FLI1: variants seen among roughly 807,000 people sequenced by gnomAD.
The protein encoded by FLI1 is Friend leukemia integration 1 transcription factor.
FLI1 carries 13 observed loss-of-function variants against 53.1 expected under a neutral mutation model. The ratio of observed to expected loss-of-function variants is 0.24; its 90% CI spans 0.16 to 0.39. FLI1 has a LOEUF of 0.39. Among genes scored for constraint, FLI1 ranks in the 10% least tolerant of loss-of-function variants. The pLI is 1.00. For synonymous variants in FLI1, 244 were observed against 236.7 expected, an observed-to-expected ratio of 1.03 and a Z score of -0.28; for missense variants, 424 against 600.5, an observed-to-expected ratio of 0.71 and a Z score of 3.07.
chr11:128,755,269 A>G (rs1288824724), intron 1 of FLI1, among the ~76,000 whole-genome samples: 2 of 151,976 alleles, frequency 1.3e-5, no homozygotes, highest in Non-Finnish European at 2.9e-5. Context: ...TTCTCCCCCA[A>G]CCTAGAAGAG....
upstream of FLI1, chr11:128,686,236 G>C (rs576698737): frequency 8.3e-5 from 35 of 422,306 alleles, no homozygotes; most frequent in African/African-American, 7.1e-4. Context: ...CCTCTGTCCT[G>C]GTCGCGTTCT....
chr11:128,759,398 G>A (rs945321617), intron 2 of FLI1, among the ~76,000 whole-genome samples: 6 of 152,230 alleles, frequency 3.9e-5, no homozygotes, highest in African/African-American at 7.2e-5. Context: ...TAAGACTAGC[G>A]AGCTGACAGT....
rs770572869 is a variant in FLI1, at chr11:128,748,359, G to A, written c.19-9756G>A. On this transcript the variant is annotated intron_variant, in intron 1 of 8. Coordinates refer to ENST00000527786, the MANE Select transcript of FLI1 (RefSeq NM_002017.5). Reference sequence around the variant, plus strand: ...AACAAGACTCCTTGAAAAGTCAGCCGGGGTCCAGGCACGGTGGCTCACACC... The same window carrying A: ...AACAAGACTCCTTGAAAAGTCAGCCAGGGTCCAGGCACGGTGGCTCACACC... The A allele has an allele frequency of 1.9e-5, 13 of 668,752 alleles. No individual in the cohort carries two copies. In the East Asian group the frequency reaches 5.5e-4, roughly 28 times the overall value. The allele number at this position is 668,752 out of a possible 1,614,324, so 41.4% of individuals were successfully genotyped here.
In FLI1 at chr11:128,739,949, C is replaced by T. The variant is rs552090757; in HGVS notation, c.19-18166C>T. 1.6e-4 allele frequency among the ~76,000 whole-genome samples: 25 copies of T among 152,254 alleles called. No homozygotes were observed. In the South Asian group the frequency reaches 5.2e-3, roughly 32 times the overall value. The stretch of plus-strand genomic sequence containing the variant: ...GTGGGAGCAAAGGGCCACGTCTGAG[C>T]CGCATCAGGCCTGGCCAGAGCCACT... On this transcript the variant is annotated intron_variant, in intron 1 of 8. Transcript: ENST00000527786.
intron 2 of FLI1, among the ~76,000 whole-genome samples, chr11:128,765,341 C>A (rs993514144): frequency 6.6e-6 from 1 of 152,206 alleles, no homozygotes; most frequent in Non-Finnish European, 1.5e-5. Context: ...TGGCCATAAC[C>A]ATAAAGGCTC....
chr11:128,734,918 A>G (rs991324121), intron 1 of FLI1, among the ~76,000 whole-genome samples: 1 of 152,150 alleles, frequency 6.6e-6, no homozygotes, highest in African/African-American at 2.4e-5. Flanking sequence ...AAATAAATGT[A>G]CTAATTGCTG....
chr11:128,721,105 G>A (rs755071180), intron 1 of FLI1, among the ~76,000 whole-genome samples: 4 of 152,316 alleles, frequency 2.6e-5, no homozygotes, highest in Admixed American at 6.5e-5. Flanking sequence ...TGGCAAGTTC[G>A]TGAGAGAGAA....
intron 1 of FLI1, among the ~76,000 whole-genome samples, chr11:128,746,830 C>G (rs1342218591): frequency 2.6e-5 from 4 of 152,198 alleles, no homozygotes; most frequent in African/African-American, 9.7e-5. Flanking sequence ...TTAAAAATGT[C>G]CAGGAGCTGG....
Position 128,805,404 on chromosome 11 carries a change from A to G in FLI1, c.694A>G (p.Asn232Asp), listed in dbSNP as rs1381241961. 3 of 1,586,674 alleles carry G rather than the reference A, an allele frequency of 1.9e-6. No individual in the cohort carries two copies. In the Admixed American group the frequency reaches 5.3e-5, roughly 28 times the overall value. Reference sequence around the variant, plus strand: ...CTCAGTCAGAAGAGGAGCTTGGGGCAATAACATGAATTCTGGCCTCAACAA... The same window carrying G: ...CTCAGTCAGAAGAGGAGCTTGGGGCGATAACATGAATTCTGGCCTCAACAA... ...YDSVRRGAWGNNMNSGLNKSP... is the reference protein window; with the variant it reads ...YDSVRRGAWGDNMNSGLNKSP... Residue 232 changes from asparagine (N) to aspartate (D), a missense_variant, in exon 6 of 9, where the codon AAT becomes GAT. Transcript: ENST00000527786.
At chr11:128,790,099 C>T (rs546932140) in intron 5 of FLI1, among the ~76,000 whole-genome samples, 19 of 113,458 alleles carry the variant, frequency 1.7e-4, no homozygotes, top group South Asian at 8.0e-4. Context: ...TGTGTGTGCA[C>T]GCGTGCTGTT....
intron 1 of FLI1, among the ~76,000 whole-genome samples, chr11:128,701,687 T>C (rs1014244197): frequency 1.3e-5 from 2 of 152,162 alleles, no homozygotes; most frequent in Non-Finnish European, 2.9e-5. Flanking sequence ...TCAAATCACC[T>C]CAAAGGGAAG....
intron 1 of FLI1, 123 bp downstream of exon 1, chr11:128,694,399 G>A (rs769220392): frequency 2.5e-6 from 2 of 794,814 alleles, no homozygotes; most frequent in Non-Finnish European, 3.5e-6. Context: ...CCGCGCCCCG[G>A]CTTCGCGCCG....
At chr11:128,794,893 T>C (rs1942383292) in intron 5 of FLI1, among the ~76,000 whole-genome samples, 1 of 152,048 alleles carries the variant, frequency 6.6e-6, no homozygotes, top group Non-Finnish European at 1.5e-5. Flanking sequence ...CTAGGCAACA[T>C]GGGGAGAGTC....
rs760049183 is a variant in FLI1 at position 128,805,396 on chromosome 11, C to G, written c.686C>G (p.Ala229Gly). The change falls in exon 6 of 9, where the codon GCT becomes GGT. Residue 229 changes from alanine (A) to glycine (G), a missense_variant. Ala to Gly is a moderately conservative substitution (Grantham distance 60). This residue lies in a region of FLI1 where 114 missense variants were observed against 117.9 expected (regional missense o/e 0.97). Transcript: ENST00000527786. ...DPSYDSVRRG[A>G]WGNNMNSGLN... ...TCTTATGACTCAGTCAGAAGAGGAG[C>G]TTGGGGCAATAACATGAATTCTGGC... 1 of 1,589,886 alleles carries G rather than the reference C, an allele frequency of 6.3e-7. No individual in the cohort carries two copies. The highest frequency in any genetic ancestry group is 1.3e-5 in the African/African-American group (1 of 74,660).
At position 128,701,701 on chromosome 11, in the gene FLI1, G is replaced by T. The variant is rs550533908; in HGVS notation, c.18+7425G>T. On this transcript the variant is annotated intron_variant, in intron 1 of 8. Transcript: ENST00000527786. ...TTCAAATCACCTCAAAGGGAAGGCA[G>T]ACTTGAACACTGAAATGCTTTCCCA... is the stretch of plus-strand genomic sequence containing the variant. 2.6e-5 allele frequency among the ~76,000 whole-genome samples: 4 copies of T among 152,348 alleles called. No homozygotes were observed. The East Asian group carries it at 7.7e-4, about 29-fold the overall frequency.
intron 1 of FLI1, among the ~76,000 whole-genome samples, chr11:128,755,763 G>A (rs1344468418): frequency 2.0e-5 from 3 of 152,210 alleles, no homozygotes; most frequent in Admixed American, 6.5e-5. Context: ...AGATCCCCTC[G>A]GTTGGGGGAT....
intron 1 of FLI1, among the ~76,000 whole-genome samples, chr11:128,733,397 T>C (rs2135757460): frequency 6.6e-6 from 1 of 152,260 alleles, no homozygotes; most frequent in South Asian, 2.1e-4. Context: ...ACTAGTAGGA[T>C]TAGTGTCCTG....
intron 1 of FLI1, among the ~76,000 whole-genome samples, chr11:128,699,821 A>T (rs1355322975): frequency 6.6e-6 from 1 of 152,200 alleles, no homozygotes; most frequent in African/African-American, 2.4e-5. Context: ...GACAAAATTT[A>T]GGTAATCTAT....
At chr11:128,790,917 G>T (rs1942251641) in intron 5 of FLI1, among the ~76,000 whole-genome samples, 1 of 151,924 alleles carries the variant, frequency 6.6e-6, no homozygotes, top group Non-Finnish European at 1.5e-5. Context: ...TGTCCTCAAA[G>T]CTACCAGAGG....
Sources: allele counts gnomAD v4.1 joint callset (sites outside exome capture counted in the v4.1 genomes callset), GRCh38; gene constraint gnomAD v4.1.1; regional missense constraint gnomAD v4.1.1; transcripts MANE v1.5; gene names NCBI Gene and HGNC (gene_info 2026-07-23, HGNC 2026-07-21).